CAMK2D: variants seen among roughly 807,000 people sequenced by gnomAD.
The protein encoded by CAMK2D is calcium/calmodulin dependent protein kinase II delta.
A neutral mutation model predicts 84.0 loss-of-function variants in CAMK2D; 37 were observed. The ratio of observed to expected loss-of-function variants is 0.44; its 90% CI spans 0.34 to 0.58. The LOEUF is 0.58. CAMK2D is among the 20% of genes least tolerant of loss of function. CAMK2D has a pLI of 0.02. For synonymous variants in CAMK2D, 202 were observed against 212.5 expected, an observed-to-expected ratio of 0.95 and a Z score of 0.43; for missense variants, 448 against 652.5, an observed-to-expected ratio of 0.69 and a Z score of 3.41.
intron 16 of CAMK2D, among the ~76,000 whole-genome samples, chr4:113,496,037 G>A (rs773303894): frequency 1.1e-4 from 16 of 152,138 alleles, no homozygotes; most frequent in Admixed American, 2.6e-4. Context: ...GTTATGAGGC[G>A]GAGAGGCATT....
intron 12 of CAMK2D, chr4:113,512,999 C>A: frequency 6.4e-6 from 1 of 156,478 alleles, no homozygotes; most frequent in Non-Finnish European, 1.4e-5. Flanking sequence ...ACGCTGAGAT[C>A]GTAAATGAGG....
At chr4:113,550,871 G>A (rs534507467) in intron 5 of CAMK2D, among the ~76,000 whole-genome samples, 21 of 152,270 alleles carry the variant, frequency 1.4e-4, no homozygotes, top group Non-Finnish European at 2.2e-4. Flanking sequence ...AAATTAGAGC[G>A]TAGTCATGTA....
intron 2 of CAMK2D, among the ~76,000 whole-genome samples, chr4:113,671,678 G>T (rs1025804649): frequency 6.6e-5 from 10 of 152,104 alleles, no homozygotes; most frequent in African/African-American, 2.4e-4. Context: ...CTATGTTGAG[G>T]TATGTTATTG....
rs145177294 is a variant in CAMK2D at position 113,692,737 on chromosome 4, T to C, written c.161-30965A>G. On this transcript the variant is annotated intron_variant, in intron 2 of 20. Transcript: ENST00000511664. ...ATATATACATACATATATTCATACA[T>C]ACATATTCATATATACATACATACA... Among the ~76,000 whole-genome samples the C allele has an allele frequency of 7.8e-3, 1,189 of 152,138 alleles. 20 individuals are homozygous for C. Among genetic ancestry groups the C allele is most frequent in the African/African-American group, 0.027 (1,112 of 41,518 alleles).
rs1302897313 is a variant in CAMK2D at position 113,502,917 on chromosome 4, G to T, written c.1086+19C>A. 4 of 1,560,952 alleles carry T rather than the reference G, an allele frequency of 2.6e-6. No homozygotes were observed. The East Asian group carries it at 9.0e-5, about 35-fold the overall frequency. On this transcript the variant is annotated intron_variant, in intron 15 of 20. Transcript: ENST00000511664. Reference sequence around the variant, plus strand: ...TATAGTCTTGTTAAAGCAAGATGATGTTGATTCTTTCTGAATACCTTGTTT... The same window carrying T: ...TATAGTCTTGTTAAAGCAAGATGATTTTGATTCTTTCTGAATACCTTGTTT...
At position 113,532,879 on chromosome 4, in the gene CAMK2D, C is replaced by G. The variant is rs72907807; in HGVS notation, c.518-1580G>C. On this transcript the variant is annotated intron_variant, in intron 7 of 20. Transcript: ENST00000511664. Reference sequence around the variant, plus strand: ...AATCCTCAATATTTTTTCTCTACCTCTTTTCTAACAGAGAGTGGCTCTAAG... The same window carrying G: ...AATCCTCAATATTTTTTCTCTACCTGTTTTCTAACAGAGAGTGGCTCTAAG... Among the ~76,000 whole-genome samples the G allele has an allele frequency of 3.0e-3, 452 of 151,778 alleles. 5 individuals are homozygous for G. Among genetic ancestry groups the G allele is most frequent in the African/African-American group, 0.01 (428 of 41,390 alleles).
intron 3 of CAMK2D, among the ~76,000 whole-genome samples, chr4:113,648,715 C>T (rs1300958500): frequency 6.6e-6 from 1 of 152,126 alleles, no homozygotes; most frequent in Non-Finnish European, 1.5e-5. Context: ...CTTGACTGCT[C>T]TTGACTCAGC....
chr4:113,680,732 G>A (rs1306595378), intron 2 of CAMK2D, among the ~76,000 whole-genome samples: 2 of 152,204 alleles, frequency 1.3e-5, no homozygotes, highest in African/African-American at 4.8e-5. Context: ...CGTTCTTTGT[G>A]TTATGGAAAA....
At chr4:113,631,281 G>A (rs991930539) in intron 3 of CAMK2D, among the ~76,000 whole-genome samples, 19 of 152,188 alleles carry the variant, frequency 1.2e-4, no homozygotes, top group African/African-American at 4.1e-4. Flanking sequence ...TGGAGGCCAA[G>A]GCAGGAGGAC....
At chr4:113,525,916 A>T (rs945656679) in intron 8 of CAMK2D, among the ~76,000 whole-genome samples, 1 of 152,202 alleles carries the variant, frequency 6.6e-6, no homozygotes, top group Admixed American at 6.5e-5. Context: ...ATAAGCCACA[A>T]CCTAAAAGCA....
intron 12 of CAMK2D, among the ~76,000 whole-genome samples, chr4:113,511,937 C>A (rs761859069): frequency 6.6e-6 from 1 of 152,066 alleles, no homozygotes; most frequent in Non-Finnish European, 1.5e-5. Context: ...TAAATAATAA[C>A]TAGATATTGG....
At chr4:113,719,806 C>G (rs577440710) in intron 2 of CAMK2D, among the ~76,000 whole-genome samples, 1 of 152,186 alleles carries the variant, frequency 6.6e-6, no homozygotes, top group East Asian at 1.9e-4. Context: ...AAGCCAAGTA[C>G]CTACTCAAAG....
chr4:113,720,591 A>G (rs993832460), intron 2 of CAMK2D, among the ~76,000 whole-genome samples: 2 of 152,066 alleles, frequency 1.3e-5, no homozygotes, highest in African/African-American at 4.8e-5. Flanking sequence ...AAAAAAGCTA[A>G]TATCAAATTA....
At chr4:113,531,166 A>G (rs2098455604) in intron 8 of CAMK2D, 50 bp downstream of exon 8, 5 of 889,204 alleles carry the variant, frequency 5.6e-6, no homozygotes, top group Non-Finnish European at 9.7e-6. Flanking sequence ...GACCAAATGG[A>G]CTAAGACACT....
chr4:113,638,033 T>C (rs1457920805), intron 3 of CAMK2D, among the ~76,000 whole-genome samples: 1 of 152,186 alleles, frequency 6.6e-6, no homozygotes, highest in South Asian at 2.1e-4. Context: ...CATCCACTCA[T>C]CTCTTAGTGC....
At chr4:113,760,748 G>A (rs1594287114) in intron 1 of CAMK2D, among the ~76,000 whole-genome samples, 1 of 152,136 alleles carries the variant, frequency 6.6e-6, no homozygotes, top group Non-Finnish European at 1.5e-5. Flanking sequence ...GTCTCTCAGT[G>A]CAGGAGGGTG....
At chr4:113,694,851 AT>A (rs2099398207) in intron 2 of CAMK2D, among the ~76,000 whole-genome samples, 1 of 152,130 alleles carries the variant, frequency 6.6e-6, no homozygotes, top group African/African-American at 2.4e-5. Flanking sequence ...TAATTAGCAA[AT>A]TTTTTGAGGC....
At chr4:113,478,023 TTAA>T (rs1195236831) in intron 16 of CAMK2D, among the ~76,000 whole-genome samples, 1 of 152,168 alleles carries the variant, frequency 6.6e-6, no homozygotes, top group Non-Finnish European at 1.5e-5. Context: ...TTCAAGTTAC[TTAA>T]TAAGTAATTA....
rs17046306 is a variant in CAMK2D at position 113,630,362 on chromosome 4, C to T, written c.221-21156G>A. 5.3e-3 allele frequency among the ~76,000 whole-genome samples: 806 copies of T among 152,216 alleles called. 7 individuals are homozygous for T. Among genetic ancestry groups the T allele is most frequent in the African/African-American group, 0.019 (773 of 41,528 alleles). ...ATGAATTATTAGACCTGGGGTTATG[C>T]GGTCTTTGAGAAAAATCACTTGCAC... On this transcript the variant is annotated intron_variant, in intron 3 of 20. Transcript: ENST00000511664.
Sources: gnomAD v4.1 joint callset for allele counts (sites outside exome capture counted in the v4.1 genomes callset) on GRCh38, gnomAD v4.1.1 for gene constraint, MANE v1.5 for transcripts, NCBI Gene and HGNC (gene_info 2026-07-23, HGNC 2026-07-21) for gene names.